Variants in PTPRK observed in about 807,000 individuals in gnomAD.
PTPRK encodes the protein receptor-type tyrosine-protein phosphatase kappa.
A neutral mutation model predicts 178.0 loss-of-function variants in PTPRK; 75 were observed. The observed-to-expected ratio is 0.42, with a 90% CI of 0.35 to 0.51. The LOEUF (loss-of-function observed/expected upper bound fraction) is 0.51. Among genes scored for constraint, PTPRK ranks in the 20% least tolerant of loss-of-function variants. PTPRK has a pLI of 0.02. For synonymous variants in PTPRK, 637 were observed against 620.6 expected (o/e 1.03, Z -0.39); for missense variants, 1,441 against 1,797.8 (o/e 0.80, Z 3.59).
chr6:128,485,595 G>T (rs974873919), intron 1 of PTPRK, among the ~76,000 whole-genome samples: 1 of 152,112 alleles, frequency 6.6e-6, no homozygotes, highest in African/African-American at 2.4e-5. Context: ...GCAAATAAAA[G>T]AAGACTATTT....
chr6:128,409,193 T>C (rs1842022198), intron 1 of PTPRK: 11 of 334,412 alleles, frequency 3.3e-5, no homozygotes, highest in South Asian at 2.0e-4. Flanking sequence ...CAAGAAAAGA[T>C]TGATTACACC....
chr6:128,518,263 C>T (rs1435979389), intron 1 of PTPRK, among the ~76,000 whole-genome samples: 1 of 151,980 alleles, frequency 6.6e-6, no homozygotes, highest in Non-Finnish European at 1.5e-5. Context: ...TAAAGAAAAG[C>T]CAGGCATATT....
intron 3 of PTPRK, among the ~76,000 whole-genome samples, chr6:128,298,150 T>C (rs61459271): frequency 0.052 from 7,906 of 151,990 alleles, 675 homozygotes; most frequent in African/African-American, 0.18. Flanking sequence ...ATAAATTCCT[T>C]GACACACACT....
At chr6:128,150,998 C>T (rs1040347687) in intron 7 of PTPRK, among the ~76,000 whole-genome samples, 24 of 151,876 alleles carry the variant, frequency 1.6e-4, no homozygotes, top group African/African-American at 5.3e-4. Context: ...TATCATGTTA[C>T]AAGGGGATTG....
chr6:128,424,768 A>C (rs1843905735), intron 1 of PTPRK, among the ~76,000 whole-genome samples: 1 of 152,142 alleles, frequency 6.6e-6, no homozygotes, highest in Admixed American at 6.5e-5. Flanking sequence ...TATTTCAGTA[A>C]ATCTGACTTC....
At chr6:128,095,287 T>C (rs1330134475) in intron 7 of PTPRK, among the ~76,000 whole-genome samples, 1 of 152,198 alleles carries the variant, frequency 6.6e-6, no homozygotes, top group East Asian at 1.9e-4. Context: ...ATCCCATACA[T>C]TTATACATTT....
At chr6:128,322,667 AAT>A (rs10651820) in intron 2 of PTPRK, among the ~76,000 whole-genome samples, 8 of 143,670 alleles carry the variant, frequency 5.6e-5, no homozygotes, top group Admixed American at 1.4e-4. Context: ...CTTTTAATAT[AAT>A]ATATATATAT....
chr6:127,970,331 T>A (rs775350648), intron 29 of PTPRK, 51 bp from the exon 30 acceptor site: 2 of 1,453,368 alleles, frequency 1.4e-6, no homozygotes, highest in Non-Finnish European at 1.9e-6. Flanking sequence ...AAGAGACTAA[T>A]GTTGAATAAC....
chr6:127,990,960 A>G, intron 20 of PTPRK, 75 bp from the exon 21 acceptor site: 1 of 852,260 alleles, frequency 1.2e-6, no homozygotes, highest in Non-Finnish European at 1.9e-6. Flanking sequence ...AATTCCAGCA[A>G]TAACTCCTTG....
At chr6:128,328,768 T>G (rs1829892614) in intron 2 of PTPRK, among the ~76,000 whole-genome samples, 1 of 152,062 alleles carries the variant, frequency 6.6e-6, no homozygotes, top group Admixed American at 6.6e-5. Context: ...AAATAATAAT[T>G]TAAGATTAGC....
At chr6:128,461,080 T>C (rs1055637235) in intron 1 of PTPRK, among the ~76,000 whole-genome samples, 4 of 152,220 alleles carry the variant, frequency 2.6e-5, no homozygotes, top group African/African-American at 9.6e-5. Context: ...TCTTTTTTCA[T>C]TTCTTATAAT....
At chr6:128,136,621 CA>C in intron 7 of PTPRK, among the ~76,000 whole-genome samples, 1 of 152,230 alleles carries the variant, frequency 6.6e-6, no homozygotes, top group Non-Finnish European at 1.5e-5. Context: ...TACCTGTCTG[CA>C]AAACACTGTA....
chr6:128,250,049 T>C (rs1240900333), intron 3 of PTPRK, among the ~76,000 whole-genome samples: 6 of 152,166 alleles, frequency 3.9e-5, no homozygotes, highest in South Asian at 2.1e-4. Context: ...TTCAGGAGAT[T>C]TGAGGTTTCC....
In PTPRK at chr6:128,276,794, C is replaced by T. The variant is rs894881413; in HGVS notation, c.496-34192G>A. Among the ~76,000 whole-genome samples, 30 of 152,062 alleles carry T rather than the reference C, an allele frequency of 2.0e-4. 1 individual carries two copies. The highest frequency in any genetic ancestry group is 9.6e-4 in the East Asian group (5 of 5,184). ...TATTATTTCTCTAAGTTGTGGGCAC[C>T]GATGAGTTCAAGACTATTCCCTGAA... On this transcript the variant is annotated intron_variant, in intron 3 of 29. Coordinates refer to ENST00000368226, the MANE Select transcript of PTPRK (RefSeq NM_002844.4).
rs566212916 is a variant in PTPRK, at chr6:128,487,259, A to T, written c.100+33000T>A. On this transcript the variant is annotated intron_variant, in intron 1 of 29. Transcript: ENST00000368226. ...TAGCTCAGGAACCCACCTCCTGGAT[A>T]AAAGAAGGCAGGACACCTTGACCGA... Among the ~76,000 whole-genome samples the T allele has an allele frequency of 4.0e-5, 6 of 149,656 alleles. No homozygotes were observed. In the East Asian group the frequency reaches 9.9e-4, roughly 25 times the overall value.
At chr6:128,280,908 G>C (rs184776666) in intron 3 of PTPRK, among the ~76,000 whole-genome samples, 173 of 152,014 alleles carry the variant, frequency 1.1e-3, no homozygotes, top group African/African-American at 3.9e-3. Context: ...TATACTTTTT[G>C]TAGCATATTC....
chr6:128,378,730 A>C (rs1837457949), intron 2 of PTPRK, among the ~76,000 whole-genome samples: 1 of 152,126 alleles, frequency 6.6e-6, no homozygotes, highest in South Asian at 2.1e-4. Context: ...TATAACTGAA[A>C]ATATATACGT....
At chr6:128,311,796 A>G (rs1019098976) in intron 3 of PTPRK, among the ~76,000 whole-genome samples, 5 of 152,056 alleles carry the variant, frequency 3.3e-5, no homozygotes, top group African/African-American at 9.7e-5. Context: ...CCCAGAGCCT[A>G]TGTGTTTCTT....
At chr6:128,394,494 C>T (rs990075293) in intron 2 of PTPRK, among the ~76,000 whole-genome samples, 1 of 152,126 alleles carries the variant, frequency 6.6e-6, no homozygotes. Flanking sequence ...TTAAAATTTT[C>T]ATTTTTCCAC....
Sources: allele counts gnomAD v4.1 joint callset (sites outside exome capture counted in the v4.1 genomes callset), GRCh38; gene constraint gnomAD v4.1.1; transcripts MANE v1.5; gene names NCBI Gene and HGNC (gene_info 2026-07-23, HGNC 2026-07-21).